Variants in SPAG16 observed in about 807,000 individuals in gnomAD.
The protein encoded by SPAG16 is sperm-associated antigen 16 protein.
SPAG16 carries 86 observed loss-of-function variants against 80.4 expected under a neutral mutation model. That is an observed-to-expected ratio of 1.07 (90% CI 0.90 to 1.28). The LOEUF is 1.28. Among genes scored for constraint, SPAG16 ranks in the 50% most tolerant of loss-of-function variants. The probability of loss-of-function intolerance (pLI) is 0.00; values close to 1 mark genes in which losing one functional copy is unlikely to be tolerated. For synonymous variants in SPAG16, 294 were observed against 265.9 expected (o/e 1.11, Z -1.03); for missense variants, 870 against 765.3 (o/e 1.14, Z -1.61).
chr2:213,857,251 A>G (rs1443877323), intron 10 of SPAG16, among the ~76,000 whole-genome samples: 4 of 152,180 alleles, frequency 2.6e-5, no homozygotes, highest in Non-Finnish European at 4.4e-5. Flanking sequence ...TTCAGCATAA[A>G]CAGCCCTTTA....
At chr2:213,312,982 C>T (rs2063258047) in intron 4 of SPAG16, among the ~76,000 whole-genome samples, 2 of 151,768 alleles carry the variant, frequency 1.3e-5, no homozygotes, top group Non-Finnish European at 2.9e-5. Context: ...ACATTAATGA[C>T]TCCCAGTGAA....
At chr2:213,357,360 A>G (rs958865086) in intron 7 of SPAG16, among the ~76,000 whole-genome samples, 2 of 152,096 alleles carry the variant, frequency 1.3e-5, no homozygotes, top group African/African-American at 4.8e-5. Flanking sequence ...GTAGGGTGTT[A>G]AAGTCTCCCA....
chr2:213,608,894 G>A (rs1574480137), intron 10 of SPAG16, among the ~76,000 whole-genome samples: 2 of 152,252 alleles, frequency 1.3e-5, no homozygotes, highest in South Asian at 2.1e-4. Flanking sequence ...CGTGTTAGCC[G>A]GGATGGTCTC....
chr2:213,648,214 T>C (rs970311497), intron 10 of SPAG16, among the ~76,000 whole-genome samples: 1 of 152,182 alleles, frequency 6.6e-6, no homozygotes, highest in Non-Finnish European at 1.5e-5. Flanking sequence ...AGTTTTAACA[T>C]TTACAGATGG....
chr2:214,059,030 C>G (rs947915322), intron 13 of SPAG16, among the ~76,000 whole-genome samples: 2 of 151,564 alleles, frequency 1.3e-5, no homozygotes, highest in Non-Finnish European at 2.9e-5. Context: ...AAAATCTGAC[C>G]AGTCAGTACA....
intron 14 of SPAG16, among the ~76,000 whole-genome samples, chr2:214,118,217 A>T (rs529633536): frequency 1.3e-5 from 2 of 152,344 alleles, no homozygotes; most frequent in Non-Finnish European, 2.9e-5. Context: ...TCCAAAAAAG[A>T]TATGACAAAG....
At chr2:213,306,953 C>G (rs572809917) in intron 3 of SPAG16, among the ~76,000 whole-genome samples, 10 of 152,250 alleles carry the variant, frequency 6.6e-5, no homozygotes, top group East Asian at 1.9e-4. Context: ...TATGAAGTTG[C>G]CTTTTTGTGT....
At chr2:214,233,936 T>C (rs1046199113) in intron 15 of SPAG16, among the ~76,000 whole-genome samples, 3 of 152,088 alleles carry the variant, frequency 2.0e-5, no homozygotes, top group African/African-American at 7.2e-5. Flanking sequence ...TACAGGTTTG[T>C]TACATAGGTA....
At chr2:213,308,586 A>G (rs2063047516) in intron 3 of SPAG16, among the ~76,000 whole-genome samples, 1 of 152,156 alleles carries the variant, frequency 6.6e-6, no homozygotes, top group South Asian at 2.1e-4. Flanking sequence ...GGAAGTTTTC[A>G]CTTATATAGG....
intron 12 of SPAG16, among the ~76,000 whole-genome samples, chr2:213,965,048 A>C (rs2044639992): frequency 6.6e-6 from 1 of 152,146 alleles, no homozygotes; most frequent in African/African-American, 2.4e-5. Context: ...ATACAATGCA[A>C]TGTTCAGTAT....
intron 12 of SPAG16, among the ~76,000 whole-genome samples, chr2:214,000,751 C>T (rs1559677002): frequency 1.3e-5 from 2 of 152,142 alleles, no homozygotes; most frequent in Admixed American, 1.3e-4. Context: ...TGGGTCCATT[C>T]GGGTTTCTAG....
At chr2:213,903,001 G>C (rs1331832775) in intron 11 of SPAG16, among the ~76,000 whole-genome samples, 1 of 152,174 alleles carries the variant, frequency 6.6e-6, no homozygotes. Flanking sequence ...CTCACATTCA[G>C]GTCATGCTGA....
chr2:214,307,822 TTA>T (rs1325202839), intron 15 of SPAG16, among the ~76,000 whole-genome samples: 1 of 151,374 alleles, frequency 6.6e-6, no homozygotes, highest in African/African-American at 2.4e-5. Flanking sequence ...ATTATGTATT[TTA>T]CAGTATGTGC....
chr2:214,249,907 A>G lies in SPAG16; in HGVS notation c.1720+100641A>G, dbSNP rs534105107. 3.3e-5 allele frequency: 5 copies of G among 152,290 alleles called. No homozygotes were observed. The South Asian group carries it at 1.0e-3, about 32-fold the overall frequency. 9.4% of individuals were successfully genotyped at this position (152,290 alleles called of 1,614,324 possible). On this transcript the variant is annotated intron_variant, in intron 15 of 15. Transcript: ENST00000331683. Reference sequence around the variant, plus strand: ...ACTCTAATCTCAGTGCTTTAGCCTGATGAAAGTTTATTTTTCACTCACGTA... The same window carrying G: ...ACTCTAATCTCAGTGCTTTAGCCTGGTGAAAGTTTATTTTTCACTCACGTA...
intron 10 of SPAG16, among the ~76,000 whole-genome samples, chr2:213,770,737 G>A (rs1469751903): frequency 1.3e-5 from 2 of 152,090 alleles, no homozygotes; most frequent in African/African-American, 2.4e-5. Flanking sequence ...TCCTGTGTTA[G>A]TTTGCTGAGG....
At chr2:213,609,881 C>A (rs1382975168) in intron 10 of SPAG16, among the ~76,000 whole-genome samples, 1 of 151,888 alleles carries the variant, frequency 6.6e-6, no homozygotes, top group Non-Finnish European at 1.5e-5. Context: ...GGTTTTAATT[C>A]TCTAAACAAA....
At chr2:213,806,952 G>T (rs76831435) in intron 10 of SPAG16, among the ~76,000 whole-genome samples, 1 of 152,002 alleles carries the variant, frequency 6.6e-6, no homozygotes, top group African/African-American at 2.4e-5. Context: ...CAAAGATCAC[G>T]GATACATTAG....
chr2:214,265,276 G>A (rs575317561), intron 15 of SPAG16, among the ~76,000 whole-genome samples: 2 of 152,072 alleles, frequency 1.3e-5, no homozygotes, highest in African/African-American at 2.4e-5. Context: ...TGTTATATCC[G>A]CATTATGGAT....
At chr2:213,654,815 TATTAA>T (rs1309234523) in intron 10 of SPAG16, among the ~76,000 whole-genome samples, 1 of 152,046 alleles carries the variant, frequency 6.6e-6, no homozygotes, top group African/African-American at 2.4e-5. Context: ...ATCAATATTA[TATTAA>T]ATGTCAATGG....
Sources: allele counts gnomAD v4.1 joint callset (sites outside exome capture counted in the v4.1 genomes callset), GRCh38; gene constraint gnomAD v4.1.1; transcripts MANE v1.5; gene names NCBI Gene and HGNC (gene_info 2026-07-23, HGNC 2026-07-21).